Variants in RORA observed in about 807,000 individuals in gnomAD.
RORA encodes the protein nuclear receptor ROR-alpha.
Under a neutral mutation model 69.5 loss-of-function variants are expected in RORA, and 7 were observed. That is an observed-to-expected ratio of 0.10 (90% confidence interval 0.06 to 0.19). The LOEUF (loss-of-function observed/expected upper bound fraction) is 0.19, where lower values mean the gene tolerates loss of function less well. Ranked by LOEUF, RORA falls within the 10% of genes least tolerant of loss-of-function variation. The probability of loss-of-function intolerance (pLI) is 1.00; values close to 1 mark genes in which losing one functional copy is unlikely to be tolerated. For missense variants in RORA, 457 were observed against 663.0 expected, an observed-to-expected ratio of 0.69 and a Z score of 3.41; for synonymous variants, 261 against 240.8, an observed-to-expected ratio of 1.08 and a Z score of -0.78.
chr15:60,579,012 CT>C (rs372494884), intron 2 of RORA, among the ~76,000 whole-genome samples: 90 of 151,550 alleles, frequency 5.9e-4, no homozygotes, highest in African/African-American at 2.1e-3. Flanking sequence ...ATCGATCCGC[CT>C]GCCTCGGCCT....
intron 1 of RORA, among the ~76,000 whole-genome samples, chr15:61,023,196 A>AAC (rs1895630095): frequency 7.6e-6 from 1 of 131,082 alleles, no homozygotes; most frequent in Non-Finnish European, 1.7e-5. Context: ...TCAAAAAAAA[A>AAC]AAAAAAAAAA....
At chr15:61,177,331 G>A (rs570451711) in intron 1 of RORA, among the ~76,000 whole-genome samples, 1 of 152,284 alleles carries the variant, frequency 6.6e-6, no homozygotes, top group Non-Finnish European at 1.5e-5. Flanking sequence ...ATACTGACAG[G>A]CTTGGGCTTT....
intron 1 of RORA, among the ~76,000 whole-genome samples, chr15:60,720,982 G>A (rs1332773593): frequency 6.6e-6 from 1 of 151,992 alleles, no homozygotes; most frequent in Non-Finnish European, 1.5e-5. Context: ...ACTACTTCCT[G>A]CCCCCACACC....
chr15:60,993,111 T>C (rs1011156070), intron 1 of RORA, among the ~76,000 whole-genome samples: 1 of 152,216 alleles, frequency 6.6e-6, no homozygotes, highest in Admixed American at 6.5e-5. Context: ...ATTCTTATTA[T>C]GTTAAGCTCA....
intron 2 of RORA, among the ~76,000 whole-genome samples, chr15:60,603,995 G>A (rs1311150943): frequency 3.3e-5 from 5 of 151,896 alleles, no homozygotes; most frequent in Admixed American, 6.6e-5. Flanking sequence ...GAAATTAGCC[G>A]GGCATGGTGG....
intron 1 of RORA, among the ~76,000 whole-genome samples, chr15:60,894,863 C>G (rs1411725805): frequency 2.0e-5 from 3 of 152,084 alleles, no homozygotes; most frequent in Non-Finnish European, 4.4e-5. Context: ...CTTAAACATC[C>G]CTGCACAGGC....
At chr15:60,528,801 T>C (rs3743265) in intron 3 of RORA, 14,780 of 152,246 alleles carry the variant, frequency 0.097, 822 homozygotes, top group Middle Eastern at 0.19. Flanking sequence ...TATGAAGTTA[T>C]TACAATTACA....
At chr15:60,668,246 C>A (rs142712140) in intron 2 of RORA, among the ~76,000 whole-genome samples, 2 of 152,064 alleles carry the variant, frequency 1.3e-5, no homozygotes, top group African/African-American at 4.8e-5. Flanking sequence ...ATGTTTGAAG[C>A]GACATAATCA....
chr15:60,848,609 G>A (rs1490587064), intron 1 of RORA: 1 of 152,394 alleles, frequency 6.6e-6, no homozygotes, highest in African/African-American at 2.4e-5. Flanking sequence ...ATAAAGAGAG[G>A]GGGTTTAATT....
At chr15:61,016,956 A>G (rs572902356) in intron 1 of RORA, among the ~76,000 whole-genome samples, 40 of 152,338 alleles carry the variant, frequency 2.6e-4, no homozygotes, top group Non-Finnish European at 8.8e-5. Context: ...AAAGAAATGA[A>G]TGAATATTTT....
At chr15:60,819,292 T>C (rs2072856947) in intron 1 of RORA, among the ~76,000 whole-genome samples, 3 of 152,188 alleles carry the variant, frequency 2.0e-5, no homozygotes, top group Admixed American at 6.5e-5. Context: ...GAAACCATGA[T>C]GTACAAGAAA....
At chr15:60,827,698 G>C (rs2072984697) in intron 1 of RORA, among the ~76,000 whole-genome samples, 1 of 152,188 alleles carries the variant, frequency 6.6e-6, no homozygotes. Context: ...ATCTGGGTTG[G>C]GTGAGCAGCT....
intron 1 of RORA, among the ~76,000 whole-genome samples, chr15:61,020,568 C>G (rs1365280471): frequency 6.6e-6 from 1 of 152,180 alleles, no homozygotes; most frequent in Non-Finnish European, 1.5e-5. Context: ...CAAGGCTTCC[C>G]TTCTCCAATC....
chr15:61,106,414 CGTTA>C (rs1316007228), intron 1 of RORA, among the ~76,000 whole-genome samples: 1 of 152,140 alleles, frequency 6.6e-6, no homozygotes, highest in Non-Finnish European at 1.5e-5. Flanking sequence ...AATAACCATC[CGTTA>C]AGTATTTACC....
chr15:60,547,324 C>CT (rs368737897), intron 2 of RORA, among the ~76,000 whole-genome samples: 73,576 of 136,788 alleles, frequency 0.54, 21,343 homozygotes, highest in East Asian at 0.87. Context: ...CCCTCTCCTC[C>CT]TTTTTTTTTT....
At chr15:61,050,946 G>A (rs1394810694) in intron 1 of RORA, among the ~76,000 whole-genome samples, 2 of 152,212 alleles carry the variant, frequency 1.3e-5, no homozygotes, top group Non-Finnish European at 2.9e-5. Context: ...TAACCACCAC[G>A]TTATAGTGGC....
intron 1 of RORA, among the ~76,000 whole-genome samples, chr15:61,034,311 A>T (rs886364387): frequency 6.6e-6 from 1 of 152,204 alleles, no homozygotes; most frequent in Non-Finnish European, 1.5e-5. Context: ...TCTTTTAAAA[A>T]TGTCATTCTT....
intron 1 of RORA, among the ~76,000 whole-genome samples, chr15:61,077,437 A>T (rs2140639216): frequency 6.6e-6 from 1 of 152,278 alleles, no homozygotes; most frequent in African/African-American, 2.4e-5. Flanking sequence ...CAGAAACTTG[A>T]AGCGTTTCCT....
intron 5 of RORA, among the ~76,000 whole-genome samples, chr15:60,507,654 G>T (rs561911383): frequency 6.6e-6 from 1 of 152,198 alleles, no homozygotes; most frequent in East Asian, 1.9e-4. Flanking sequence ...TAAGAAACAA[G>T]AAAATACATA....
Sources: allele counts gnomAD v4.1 joint callset (sites outside exome capture counted in the v4.1 genomes callset), GRCh38; gene constraint gnomAD v4.1.1; transcripts MANE v1.5; gene names NCBI Gene and HGNC (gene_info 2026-07-23, HGNC 2026-07-21).